ATXN7: variants seen among roughly 807,000 people sequenced by gnomAD.
The protein encoded by ATXN7 is ataxin-7.
A neutral mutation model predicts 70.5 loss-of-function variants in ATXN7; 12 were observed. The observed-to-expected ratio is 0.17, with a 90% confidence interval of 0.11 to 0.28. The LOEUF (loss-of-function observed/expected upper bound fraction) is 0.28, where lower values mean the gene tolerates loss of function less well. ATXN7 is among the 10% of genes least tolerant of loss of function. The pLI, the probability that ATXN7 is intolerant of heterozygous loss-of-function variation, is 1.00. For missense variants in ATXN7, 1,256 were observed against 1,131.7 expected (o/e 1.11, Z -1.58); for synonymous variants, 498 against 448.7 (o/e 1.11, Z -1.39).
intron 12 of ATXN7, 23 bp downstream of exon 12, chr3:63,996,506 C>T (rs1283800372): frequency 6.2e-7 from 1 of 1,607,244 alleles, no homozygotes; most frequent in Non-Finnish European, 8.5e-7. Context: ...CTGTGAGCCC[C>T]ATGGGAATGC....
intron 12 of ATXN7, 133 bp from the exon 13 acceptor site, chr3:63,999,317 C>G: frequency 1.4e-6 from 1 of 713,922 alleles, no homozygotes; most frequent in South Asian, 1.7e-5. Context: ...CTGACTGTTC[C>G]TGGTGTCACT....
intron 5 of ATXN7, among the ~76,000 whole-genome samples, chr3:63,975,228 C>G (rs1218202566): frequency 6.6e-6 from 1 of 152,140 alleles, no homozygotes; most frequent in Non-Finnish European, 1.5e-5. Context: ...TAGCCACTTG[C>G]ATGATACCCG....
chr3:63,876,049 T>G (rs181158691), intron 1 of ATXN7, among the ~76,000 whole-genome samples: 4 of 152,206 alleles, frequency 2.6e-5, no homozygotes, highest in African/African-American at 9.6e-5. Flanking sequence ...CTTCTAACCA[T>G]GTTTTGATAA....
At chr3:63,922,918 G>A (rs906953185) in intron 4 of ATXN7, among the ~76,000 whole-genome samples, 77 of 152,080 alleles carry the variant, frequency 5.1e-4, no homozygotes, top group Non-Finnish European at 1.2e-4. Flanking sequence ...CCCACTCTGG[G>A]CCAATTTTGT....
chr3:63,960,567 A>G (rs777734606), intron 5 of ATXN7, among the ~76,000 whole-genome samples: 2 of 152,192 alleles, frequency 1.3e-5, no homozygotes, highest in African/African-American at 4.8e-5. Context: ...AAGTGTGAAC[A>G]GAATTAAAAT....
At chr3:63,984,731 C>G (rs956458949) in intron 8 of ATXN7, among the ~76,000 whole-genome samples, 10 of 152,314 alleles carry the variant, frequency 6.6e-5, no homozygotes, top group Middle Eastern at 3.4e-3. Context: ...ATGTCTAGAA[C>G]TTGTTCATCT....
At chr3:63,945,961 T>C (rs1292566287) in intron 4 of ATXN7, among the ~76,000 whole-genome samples, 1 of 152,174 alleles carries the variant, frequency 6.6e-6, no homozygotes, top group Non-Finnish European at 1.5e-5. Context: ...AGTAACCAGA[T>C]GCAGAGAGGC....
At position 63,999,445 on chromosome 3, in the gene ATXN7, GA is replaced by G; in HGVS notation, c.2662-2del. 3 of 1,612,068 alleles carry G rather than the reference GA, an allele frequency of 1.9e-6. No homozygotes were observed. The East Asian group carries it at 6.7e-5, about 36-fold the overall frequency. On this transcript the variant is annotated splice_polypyrimidine_tract_variant and splice_region_variant and intron_variant, in intron 12 of 12. Transcript: ENST00000674280. ...ATTATTTCCCCACCCCCTCTTTTTTGAAAGCCAAAGGCACGTCCCTGACAGC... is the reference window on the plus strand; with the variant it reads ...ATTATTTCCCCACCCCCTCTTTTTTGAAGCCAAAGGCACGTCCCTGACAGC...
intron 4 of ATXN7, among the ~76,000 whole-genome samples, chr3:63,929,929 C>T (rs1400882914): frequency 6.6e-6 from 1 of 152,090 alleles, no homozygotes; most frequent in East Asian, 1.9e-4. Flanking sequence ...CACAGTGGTT[C>T]ACACTGTATA....
intron 1 of ATXN7, among the ~76,000 whole-genome samples, chr3:63,865,836 A>T (rs1043055263): frequency 2.3e-5 from 3 of 131,506 alleles, no homozygotes; most frequent in Non-Finnish European, 3.1e-5. Flanking sequence ...CGGAGCTTGC[A>T]GTGAGCCCAG....
intron 4 of ATXN7, among the ~76,000 whole-genome samples, chr3:63,947,752 T>G (rs1332122419): frequency 6.6e-6 from 1 of 152,144 alleles, no homozygotes; most frequent in Non-Finnish European, 1.5e-5. Context: ...GGAACAGCCC[T>G]TTGAAGTGGT....
chr3:63,997,259 AAAG>A (rs2075776101), intron 12 of ATXN7, among the ~76,000 whole-genome samples: 1 of 152,184 alleles, frequency 6.6e-6, no homozygotes, highest in Admixed American at 6.5e-5. Flanking sequence ...CTCAAAAAAA[AAAG>A]AGCATTTATT....
intron 2 of ATXN7, chr3:63,901,174 C>A (rs927346014): frequency 6.6e-6 from 1 of 152,090 alleles, no homozygotes; most frequent in Non-Finnish European, 1.5e-5. Context: ...ACAATGTATT[C>A]TTTTAAAATA....
chr3:63,878,111 G>A (rs1253368180), intron 1 of ATXN7, among the ~76,000 whole-genome samples: 1 of 152,162 alleles, frequency 6.6e-6, no homozygotes, highest in African/African-American at 2.4e-5. Context: ...GAGATGGTTG[G>A]TTCTCTTCCT....
At chr3:63,884,554 T>A (rs1243184291) in intron 1 of ATXN7, among the ~76,000 whole-genome samples, 2 of 152,092 alleles carry the variant, frequency 1.3e-5, no homozygotes, top group African/African-American at 4.8e-5. Flanking sequence ...TGGGAGAGAA[T>A]AGATAAATCT....
chr3:63,974,523 C>A (rs1033646019), intron 5 of ATXN7, among the ~76,000 whole-genome samples: 1 of 152,228 alleles, frequency 6.6e-6, no homozygotes, highest in African/African-American at 2.4e-5. Context: ...GGGATTGCAC[C>A]CATCTTTGCC....
intron 2 of ATXN7, among the ~76,000 whole-genome samples, chr3:63,898,988 G>A (rs1456357600): frequency 6.6e-6 from 1 of 152,084 alleles, no homozygotes; most frequent in African/African-American, 2.4e-5. Flanking sequence ...CTTTGCCCAG[G>A]CTGACAGACA....
intron 4 of ATXN7, among the ~76,000 whole-genome samples, chr3:63,926,049 T>A (rs1044768809): frequency 5.3e-5 from 8 of 152,186 alleles, no homozygotes; most frequent in Non-Finnish European, 1.0e-4. Context: ...TAGGTAATGA[T>A]AAATGGAGGA....
chr3:63,957,984 A>G (rs182329769), intron 5 of ATXN7, among the ~76,000 whole-genome samples: 1 of 152,356 alleles, frequency 6.6e-6, no homozygotes, highest in Admixed American at 6.5e-5. Context: ...ATAATGTTAT[A>G]TATTGAGCCA....
Sources: gnomAD v4.1 joint callset for allele counts (sites outside exome capture counted in the v4.1 genomes callset) on GRCh38, gnomAD v4.1.1 for gene constraint, MANE v1.5 for transcripts, NCBI Gene and HGNC (gene_info 2026-07-23, HGNC 2026-07-21) for gene names.